MRPL13: variants seen among roughly 807,000 people sequenced by gnomAD.
The protein encoded by MRPL13 is large ribosomal subunit protein uL13m.
MRPL13 carries 33 observed loss-of-function variants against 29.0 expected under a neutral mutation model. The observed-to-expected ratio is 1.14, with a 90% CI of 0.86 to 1.52. The LOEUF is 1.52. Among genes scored for constraint, MRPL13 ranks in the 40% most tolerant of loss-of-function variants. MRPL13 has a pLI of 0.00. For synonymous variants in MRPL13, 77 were observed against 68.4 expected (o/e 1.13, Z -0.62); for missense variants, 227 against 216.7 (o/e 1.05, Z -0.30).
chr8:120,430,941 AT>A (rs1185811214), intron 3 of MRPL13, among the ~76,000 whole-genome samples: 6 of 152,096 alleles, frequency 3.9e-5, no homozygotes, highest in African/African-American at 1.4e-4. Flanking sequence ...TGTTATTCTG[AT>A]TTTTAATATT....
At position 120,395,791 on chromosome 8, in the gene MRPL13, AACTGCAATTCTAT is replaced by A. The variant is rs1249420542; in HGVS notation, c.*300_*312del. The A allele has an allele frequency of 4.7e-6, 1 of 212,302 alleles. No homozygotes were observed. The highest frequency in any genetic ancestry group is 1.1e-4 in the East Asian group (1 of 9,022). 13.2% of individuals were successfully genotyped at this position (212,302 alleles called of 1,614,324 possible). A position where few individuals can be genotyped will look rare whatever the true frequency, so the allele number is the denominator to read the frequency against. ...ATGGAGAGGCATTTTTGGAATGTGT[AACTGCAATTCTAT>A]ACACAGGGTCTGTTTTTTATCATTA... On this transcript the variant is annotated 3_prime_UTR_variant, in exon 7 of 7. Coordinates refer to ENST00000306185, the MANE Select transcript of MRPL13 (RefSeq NM_014078.6).
chr8:120,404,322 T>A (rs1361626001), intron 6 of MRPL13, among the ~76,000 whole-genome samples: 20 of 152,210 alleles, frequency 1.3e-4, no homozygotes, highest in Admixed American at 1.3e-3. Context: ...AAAGGTTAAT[T>A]TATTTAATTG....
intron 4 of MRPL13, 35 bp downstream of exon 4, chr8:120,425,271 C>G: frequency 6.5e-7 from 1 of 1,543,538 alleles, no homozygotes; most frequent in Non-Finnish European, 8.9e-7. Flanking sequence ...ATTGGTCTTT[C>G]CAAAGATGAT....
At chr8:120,417,657 AC>A (rs1216778322) in intron 5 of MRPL13, among the ~76,000 whole-genome samples, 1 of 152,152 alleles carries the variant, frequency 6.6e-6, no homozygotes, top group African/African-American at 2.4e-5. Context: ...AGTGGGCACC[AC>A]CTAAAGCTGG....
chr8:120,406,421 T>C (rs1200681842), intron 6 of MRPL13, among the ~76,000 whole-genome samples: 4 of 152,126 alleles, frequency 2.6e-5, no homozygotes, highest in Admixed American at 6.6e-5. Flanking sequence ...GAGGATATGA[T>C]TCCATTCATG....
At chr8:120,439,044 T>A (rs956471736) in intron 2 of MRPL13, among the ~76,000 whole-genome samples, 1 of 152,248 alleles carries the variant, frequency 6.6e-6, no homozygotes, top group East Asian at 1.9e-4. Flanking sequence ...TGCCTACTTG[T>A]TAAAATTTAT....
At chr8:120,402,371 G>A (rs1167342834) in intron 6 of MRPL13, among the ~76,000 whole-genome samples, 1 of 152,006 alleles carries the variant, frequency 6.6e-6, no homozygotes, top group Non-Finnish European at 1.5e-5. Context: ...TCTGATCTTC[G>A]ACAGACCTCA....
rs1181827071 is a variant in MRPL13 at position 120,396,138 on chromosome 8, A to G, written c.516-13T>C. 1.3e-6 allele frequency: 2 copies of G among 1,562,796 alleles called. No homozygotes were observed. Among genetic ancestry groups the G allele is most frequent in the South Asian group, 2.3e-5 (2 of 87,034 alleles). On this transcript the variant is annotated splice_polypyrimidine_tract_variant and intron_variant, in intron 6 of 6. Coordinates refer to ENST00000306185, the MANE Select transcript of MRPL13 (RefSeq NM_014078.6). ...ATAATCTTCAGGTCTGAAAGAAAAAATCAACATATTTCTTCATGAATCATT... is the reference window on the plus strand; with the variant it reads ...ATAATCTTCAGGTCTGAAAGAAAAAGTCAACATATTTCTTCATGAATCATT...
At chr8:120,416,745 T>A (rs1247434863) in intron 5 of MRPL13, among the ~76,000 whole-genome samples, 1 of 152,206 alleles carries the variant, frequency 6.6e-6, no homozygotes, top group Admixed American at 6.5e-5. Context: ...TTTTGGTCTG[T>A]CTATATACAA....
chr8:120,443,054 G>C, intron 2 of MRPL13, 131 bp downstream of exon 2: 1 of 952,724 alleles, frequency 1.0e-6, no homozygotes, highest in Non-Finnish European at 1.4e-6. Flanking sequence ...TATGGTTTCA[G>C]CAAGAATGGA....
chr8:120,435,118 A>G (rs1813038574), intron 2 of MRPL13, among the ~76,000 whole-genome samples: 1 of 152,164 alleles, frequency 6.6e-6, no homozygotes, highest in Non-Finnish European at 1.5e-5. Context: ...TCCATTGATG[A>G]ACAAATCCAC....
intron 3 of MRPL13, among the ~76,000 whole-genome samples, chr8:120,427,814 T>A (rs1189136001): frequency 1.3e-5 from 2 of 151,588 alleles, no homozygotes; most frequent in African/African-American, 4.8e-5. Context: ...AAAAAAACTT[T>A]AATAATAAAA....
chr8:120,429,405 C>T (rs1455038317), intron 3 of MRPL13, among the ~76,000 whole-genome samples: 1 of 151,580 alleles, frequency 6.6e-6, no homozygotes. Context: ...GGCTTAATAC[C>T]TGGGTGATGA....
intron 5 of MRPL13, among the ~76,000 whole-genome samples, chr8:120,418,916 A>G (rs557705730): frequency 6.6e-6 from 1 of 152,186 alleles, no homozygotes; most frequent in African/African-American, 2.4e-5. Flanking sequence ...ACTCATTATT[A>G]ATAACTATTC....
chr8:120,410,280 C>A (rs1812725763), intron 6 of MRPL13, among the ~76,000 whole-genome samples: 1 of 152,152 alleles, frequency 6.6e-6, no homozygotes, highest in Non-Finnish European at 1.5e-5. Context: ...TGCAGATTCA[C>A]CATCAGATTT....
chr8:120,409,915 T>C (rs926620140), intron 6 of MRPL13, among the ~76,000 whole-genome samples: 3 of 152,162 alleles, frequency 2.0e-5, no homozygotes, highest in Non-Finnish European at 4.4e-5. Flanking sequence ...ACCTAATGTA[T>C]GCTGAAACTA....
chr8:120,403,588 T>C (rs1295930253), intron 6 of MRPL13, among the ~76,000 whole-genome samples: 1 of 152,124 alleles, frequency 6.6e-6, no homozygotes, highest in East Asian at 1.9e-4. Context: ...TGTTTACCTG[T>C]GTAACAAACC....
intron 2 of MRPL13, among the ~76,000 whole-genome samples, chr8:120,433,398 C>T (rs10095776): frequency 0.54 from 81,558 of 151,904 alleles, 24,129 homozygotes; most frequent in Non-Finnish European, 0.67. Flanking sequence ...ACCTAACACC[C>T]GGTGTAGGCT....
At chr8:120,415,899 C>G (rs980385600) in intron 5 of MRPL13, 31 of 152,230 alleles carry the variant, frequency 2.0e-4, no homozygotes, top group African/African-American at 7.5e-4. Flanking sequence ...ATAAAATTCC[C>G]TAGATCAGTT....
Sources: allele counts gnomAD v4.1 joint callset (sites outside exome capture counted in the v4.1 genomes callset), GRCh38; gene constraint gnomAD v4.1.1; transcripts MANE v1.5; gene names NCBI Gene and HGNC (gene_info 2026-07-23, HGNC 2026-07-21).